VPS13D: variants seen among roughly 807,000 people sequenced by gnomAD.
VPS13D encodes the protein vacuolar protein sorting 13 homolog D.
In VPS13D, 187 loss-of-function variants were observed where a neutral mutation model predicts 461.9. The observed-to-expected ratio is 0.40, with a 90% CI of 0.36 to 0.46. The LOEUF (loss-of-function observed/expected upper bound fraction) is 0.46, where lower values mean the gene tolerates loss of function less well. Among genes scored for constraint, VPS13D ranks in the 20% least tolerant of loss-of-function variants. The pLI is 0.60. For synonymous variants in VPS13D, 1,951 were observed against 1,986.3 expected (o/e 0.98, Z 0.47); for missense variants, 4,711 against 5,364.9 (o/e 0.88, Z 3.81).
chr1:12,508,966 A>G lies in VPS13D; in HGVS notation c.13109A>G (p.Glu4370Gly), dbSNP rs774842124. ...EINYAKSLYY[E>G]QQLMLRLSEN... ...AACTACGCAAAGAGCCTCTACTATGAACAGCAGCTTATGTTAAGACTCAGC... is the reference window on the plus strand; with the variant it reads ...AACTACGCAAAGAGCCTCTACTATGGACAGCAGCTTATGTTAAGACTCAGC... The change falls in exon 70 of 70, where the codon GAA (glutamate) becomes GGA (glycine). Residue 4370 changes from glutamate (E) to glycine (G), a missense_variant. This residue lies in a region of VPS13D where 194 missense variants were observed against 220.9 expected (regional missense o/e 0.88). Coordinates refer to ENST00000620676, the MANE Select transcript of VPS13D (RefSeq NM_015378.4). 1.2e-6 allele frequency: 2 copies of G among 1,614,214 alleles called. No homozygotes were observed. Among genetic ancestry groups the G allele is most frequent in the East Asian group, 4.5e-5 (2 of 44,886 alleles).
chr1:12,349,781 C>T (rs550557272), intron 46 of VPS13D, among the ~76,000 whole-genome samples: 10 of 152,194 alleles, frequency 6.6e-5, no homozygotes, highest in South Asian at 2.1e-4. Flanking sequence ...GGTTTATGTA[C>T]CTCATACTGA....
intron 53 of VPS13D, among the ~76,000 whole-genome samples, chr1:12,369,166 G>T (rs1443533084): frequency 6.6e-6 from 1 of 152,042 alleles, no homozygotes; most frequent in Non-Finnish European, 1.5e-5. Context: ...TTAGATATTT[G>T]ACTTGGCAAA....
intron 67 of VPS13D, among the ~76,000 whole-genome samples, chr1:12,496,063 T>G (rs1407413511): frequency 6.6e-6 from 1 of 152,200 alleles, no homozygotes; most frequent in African/African-American, 2.4e-5. Flanking sequence ...GCCTGCGTCT[T>G]GAAGGAAAAA....
intron 67 of VPS13D, among the ~76,000 whole-genome samples, chr1:12,496,133 C>T (rs1645954412): frequency 6.6e-6 from 1 of 152,170 alleles, no homozygotes; most frequent in South Asian, 2.1e-4. Context: ...TTACTCTTTC[C>T]CTTAGTGCAG....
chr1:12,400,174 G>T lies in VPS13D; in HGVS notation c.11635-7G>T. The T allele has an allele frequency of 1.9e-6, 3 of 1,613,248 alleles. No individual in the cohort carries two copies. Among genetic ancestry groups the T allele is most frequent in the Non-Finnish European group, 2.5e-6 (3 of 1,179,742 alleles). ...GTTTTTGCTTTGCTACCTTTCCATG[G>T]CCGTAGGTGGACAATCAGCTCATTG... On this transcript the variant is annotated splice_region_variant and splice_polypyrimidine_tract_variant and intron_variant, in intron 60 of 69. Coordinates refer to ENST00000620676, the MANE Select transcript of VPS13D (RefSeq NM_015378.4).
chr1:12,354,222 G>T lies in VPS13D; in HGVS notation c.9679+1G>T, dbSNP rs770934099. The T allele has an allele frequency of 1.2e-6, 2 of 1,613,802 alleles. No homozygotes were observed. Among genetic ancestry groups the T allele is most frequent in the East Asian group, 2.2e-5 (1 of 44,884 alleles). ...GATACATCCCAGAACATTGAGCTGG[G>T]TAAGAATGTAGTCAGATGATCATTT... is the stretch of plus-strand genomic sequence containing the variant. On this transcript the variant is annotated splice_donor_variant, in intron 47 of 69. Transcript: ENST00000620676. LOFTEE classifies it high-confidence loss of function.
At chr1:12,253,008 G>A (rs777975275) in intron 6 of VPS13D, among the ~76,000 whole-genome samples, 1 of 150,106 alleles carries the variant, frequency 6.7e-6, no homozygotes, top group Non-Finnish European at 1.5e-5. Flanking sequence ...AAAATACAAA[G>A]TTAGCCGGGC....
intron 67 of VPS13D, among the ~76,000 whole-genome samples, chr1:12,466,487 T>G (rs1431674299): frequency 6.6e-6 from 1 of 152,240 alleles, no homozygotes; most frequent in African/African-American, 2.4e-5. Flanking sequence ...GTAAATGGGT[T>G]TTATATTTTA....
rs1444689910 is a variant in VPS13D at position 12,349,192 on chromosome 1, A to G, written c.9249A>G (p.Pro3083=). ...DKPVVLPAIM[P]GDSFAVPLHL... ...CAGTGGTGCTTCCTGCTATCATGCC[A>G]GGGGATTCGTTTGCTGTGCCTTTAC... The change falls in exon 46 of 70, where the codon CCA becomes CCG. Residue 3083 remains proline (P), a synonymous_variant. Transcript: ENST00000620676. 1 of 1,613,976 alleles carries G rather than the reference A, an allele frequency of 6.2e-7. No individual in the cohort carries two copies. The highest frequency in any genetic ancestry group is 8.5e-7 in the Non-Finnish European group (1 of 1,180,034).
rs1025688696 is a variant in VPS13D, at chr1:12,311,906, G to C, written c.6916G>C (p.Gly2306Arg). 1 of 1,613,934 alleles carries C rather than the reference G, an allele frequency of 6.2e-7. No homozygotes were observed. Among genetic ancestry groups the C allele is most frequent in the Non-Finnish European group, 8.5e-7 (1 of 1,179,980 alleles). ...GCTTAAAGATCCAAAAAGAAAAGAA[G>C]GTGCTGGGTCCCTAGCCAGGTATGC... ...LELKDPKRKE[G>R]AGSLARFDFK... is the part of the protein sequence containing the mutation. Residue 2306 changes from glycine to arginine, a missense_variant, in exon 29 of 70, where the codon GGT becomes CGT. By Grantham distance (125) the Gly-to-Arg change is moderately radical. Transcript: ENST00000620676.
Position 12,403,856 on chromosome 1 carries a change from A to G in VPS13D, c.11913A>G (p.Glu3971=). 2 of 1,604,446 alleles carry G rather than the reference A, an allele frequency of 1.2e-6. No homozygotes were observed. Among genetic ancestry groups the G allele is most frequent in the Non-Finnish European group, 1.7e-6 (2 of 1,177,480 alleles). ...AAAAATATGATGAAAACCTCCATGA[A>G]AAGACAGCTGAGCAAGGTGGAACAC... ...EVEKYDENLH[E]KTAEQGGTPI... is the part of the protein sequence containing the mutation. The change falls in exon 63 of 70, where the codon GAA becomes GAG. Residue 3971 remains glutamate, a synonymous_variant. Transcript: ENST00000620676.
At chr1:12,441,511 G>A (rs1156903595) in intron 65 of VPS13D, among the ~76,000 whole-genome samples, 2 of 152,178 alleles carry the variant, frequency 1.3e-5, no homozygotes, top group Admixed American at 6.5e-5. Context: ...AGAAAGCCAC[G>A]TGCAGAGGCA....
chr1:12,291,831 A>G (rs528412136), intron 23 of VPS13D, among the ~76,000 whole-genome samples: 239 of 152,358 alleles, frequency 1.6e-3, no homozygotes, highest in African/African-American at 4.2e-3. Context: ...AAGTTCTGGA[A>G]TGATTTCAGC....
chr1:12,359,260 G>A (rs1643916718), intron 50 of VPS13D, among the ~76,000 whole-genome samples: 1 of 152,200 alleles, frequency 6.6e-6, no homozygotes, highest in Non-Finnish European at 1.5e-5. Context: ...ATGAATCAGG[G>A]TGAAAATTGT....
chr1:12,482,967 T>C (rs1323022566), intron 67 of VPS13D, among the ~76,000 whole-genome samples: 1 of 152,178 alleles, frequency 6.6e-6, no homozygotes, highest in Non-Finnish European at 1.5e-5. Flanking sequence ...AGTTCCCCAT[T>C]GATGGATGTT....
At chr1:12,441,816 G>A (rs1413511012) in intron 65 of VPS13D, among the ~76,000 whole-genome samples, 1 of 152,190 alleles carries the variant, frequency 6.6e-6, no homozygotes, top group Non-Finnish European at 1.5e-5. Flanking sequence ...TAAAGTCTAT[G>A]TGGAAGGAAT....
intron 55 of VPS13D, 43 bp downstream of exon 55, chr1:12,373,901 G>T: frequency 6.8e-7 from 1 of 1,476,102 alleles, no homozygotes; most frequent in Non-Finnish European, 9.3e-7. Flanking sequence ...AAGGTTTTTA[G>T]CACTGGACGG....
intron 65 of VPS13D, among the ~76,000 whole-genome samples, chr1:12,429,795 T>G (rs947094332): frequency 1.3e-5 from 2 of 152,126 alleles, no homozygotes; most frequent in African/African-American, 4.8e-5. Context: ...CTGACCTGGC[T>G]CTCATGAAGC....
At chr1:12,336,184 G>T in intron 39 of VPS13D, 2 of 202,482 alleles carry the variant, frequency 9.9e-6, no homozygotes, top group East Asian at 1.4e-4. Context: ...GGATTTTTTT[G>T]GCCAGATTTT....
Sources: allele counts gnomAD v4.1 joint callset (sites outside exome capture counted in the v4.1 genomes callset), GRCh38; gene constraint gnomAD v4.1.1; regional missense constraint gnomAD v4.1.1; transcripts MANE v1.5; gene names NCBI Gene and HGNC (gene_info 2026-07-23, HGNC 2026-07-21).